Variants in ANLN observed in about 807,000 individuals in gnomAD.
ANLN encodes the protein anillin, actin binding protein.
Under a neutral mutation model 135.1 loss-of-function variants are expected in ANLN, and 59 were observed. That is an observed-to-expected ratio of 0.44 (90% confidence interval 0.35 to 0.54). The LOEUF (loss-of-function observed/expected upper bound fraction) is 0.54. Among genes scored for constraint, ANLN ranks in the 20% least tolerant of loss-of-function variants. The pLI is 0.00. For missense variants in ANLN, 1,182 were observed against 1,340.0 expected, an observed-to-expected ratio of 0.88 and a Z score of 1.84; for synonymous variants, 406 against 456.4, an observed-to-expected ratio of 0.89 and a Z score of 1.41.
At chr7:36,409,002 A>G (rs1451562363) in intron 5 of ANLN, among the ~76,000 whole-genome samples, 4 of 152,232 alleles carry the variant, frequency 2.6e-5, no homozygotes, top group Non-Finnish European at 5.9e-5. Context: ...ATAGTTCATC[A>G]TAAAGGGGCA....
At chr7:36,426,249 CCAGTCAT>C (rs1488979762) in intron 19 of ANLN, among the ~76,000 whole-genome samples, 2 of 152,106 alleles carry the variant, frequency 1.3e-5, no homozygotes, top group Non-Finnish European at 2.9e-5. Flanking sequence ...CATAGAGGCA[CCAGTCAT>C]CATGTTATTC....
chr7:36,391,945 CT>C (rs35991362), intron 1 of ANLN, among the ~76,000 whole-genome samples: 45 of 147,908 alleles, frequency 3.0e-4, no homozygotes, highest in Non-Finnish European at 3.3e-4. Context: ...TTCTGGCACT[CT>C]TTTTTTTTTT....
At chr7:36,403,589 T>C (rs945549773) in intron 3 of ANLN, 1 of 152,188 alleles carries the variant, frequency 6.6e-6, no homozygotes, top group Non-Finnish European at 1.5e-5. Flanking sequence ...AGTTAAGTGG[T>C]GCGTGAATAT....
intron 6 of ANLN, 82 bp from the exon 7 acceptor site, chr7:36,410,977 C>T: frequency 6.0e-6 from 8 of 1,336,836 alleles, no homozygotes; most frequent in Non-Finnish European, 8.2e-6. Flanking sequence ...TTTAAAACTG[C>T]AAACAAGGAA....
At chr7:36,393,989 ACT>A (rs1335140365) in intron 1 of ANLN, among the ~76,000 whole-genome samples, 1 of 152,030 alleles carries the variant, frequency 6.6e-6, no homozygotes, top group East Asian at 1.9e-4. Flanking sequence ...ACAGGGTCTC[ACT>A]CTGTTACCCA....
intron 4 of ANLN, 145 bp downstream of exon 4, chr7:36,406,711 T>C (rs1479751515): frequency 1.2e-5 from 10 of 846,974 alleles, no homozygotes; most frequent in South Asian, 4.4e-5. Context: ...TTGTAAGATA[T>C]CGGTTTCTTA....
At chr7:36,432,667 G>A (rs1014523399) in intron 20 of ANLN, among the ~76,000 whole-genome samples, 5 of 152,062 alleles carry the variant, frequency 3.3e-5, no homozygotes, top group East Asian at 1.9e-4. Flanking sequence ...TATTTGTTTC[G>A]TCTGTTCTTT....
At chr7:36,410,869 G>A (rs535901050) in intron 6 of ANLN, among the ~76,000 whole-genome samples, 165 bp downstream of exon 6, 5 of 152,254 alleles carry the variant, frequency 3.3e-5, no homozygotes, top group Non-Finnish European at 5.9e-5. Flanking sequence ...TGGTATGGCC[G>A]TAGACAGTAT....
chr7:36,399,036 A>C, intron 2 of ANLN, 43 bp from the exon 3 acceptor site: 1 of 1,523,140 alleles, frequency 6.6e-7, no homozygotes, highest in Non-Finnish European at 8.9e-7. Context: ...TTCATGTGAG[A>C]AATTACAAAT....
Position 36,399,175 on chromosome 7 carries a change from C to T in ANLN, c.269C>T (p.Ser90Leu), listed in dbSNP as rs757925988. 3.7e-6 allele frequency: 6 copies of T among 1,614,126 alleles called. No individual in the cohort carries two copies. Among genetic ancestry groups the T allele is most frequent in the South Asian group, 1.1e-5 (1 of 91,070 alleles). Residue 90 changes from serine to leucine, a missense_variant, in exon 3 of 24, where the codon TCG (serine) becomes TTG (leucine). Coordinates refer to ENST00000265748, the MANE Select transcript of ANLN (RefSeq NM_018685.5). ...TTGGAAAATAAACAACCAGTTGAGT[C>T]GACATCTGCAAAATCTTGTTCTCCA... Reference protein sequence around the residue: ...SNLENKQPVESTSAKSCSPSP... With the variant: ...SNLENKQPVELTSAKSCSPSP...
chr7:36,431,633 T>TATATATATATATATATA (rs1788334910), intron 20 of ANLN, among the ~76,000 whole-genome samples: 3 of 136,562 alleles, frequency 2.2e-5, no homozygotes, highest in Admixed American at 7.6e-5. Context: ...TATATATATA[T>TATATATATATATATATA]TACCATTTTA....
chr7:36,397,620 AAAG>A (rs1205027585), intron 2 of ANLN, among the ~76,000 whole-genome samples: 4 of 152,246 alleles, frequency 2.6e-5, no homozygotes, highest in African/African-American at 9.6e-5. Flanking sequence ...AAGGAAAAGA[AAAG>A]AAAAAAGAGC....
chr7:36,441,338 AC>A lies in ANLN; in HGVS notation c.2970+2049del, dbSNP rs3839741. On this transcript the variant is annotated intron_variant, in intron 21 of 23. Coordinates refer to ENST00000265748, the MANE Select transcript of ANLN (RefSeq NM_018685.5). ...GCCCATTCTTCTCACATTCACACTT[AC>A]AAAAATGTAGTAAGAAAGAGCTCTG... is the stretch of plus-strand genomic sequence containing the variant. Among the ~76,000 whole-genome samples, 536 of 152,308 alleles carry A rather than the reference AC, an allele frequency of 3.5e-3. 10 individuals are homozygous for A. The East Asian group carries it at 0.037, about 10-fold the overall frequency.
At chr7:36,396,240 T>C (rs1215770997) in intron 1 of ANLN, 26 bp from the exon 2 acceptor site, 1 of 1,540,212 alleles carries the variant, frequency 6.5e-7, no homozygotes, top group Admixed American at 2.0e-5. Flanking sequence ...ACTTGTGTTT[T>C]AACACTGATA....
At chr7:36,398,765 C>G (rs932262080) in intron 2 of ANLN, among the ~76,000 whole-genome samples, 14 of 150,832 alleles carry the variant, frequency 9.3e-5, no homozygotes, top group Non-Finnish European at 1.9e-4. Flanking sequence ...CCCTCGCCCC[C>G]CTTCCGCTCT....
chr7:36,420,182 C>T lies in ANLN; in HGVS notation c.1883C>T (p.Thr628Ile), dbSNP rs1327992882. The change falls in exon 11 of 24, where the codon ACA becomes ATA. Residue 628 changes from threonine to isoleucine, a missense_variant. Thr to Ile is a moderately conservative substitution (Grantham distance 89). Coordinates refer to ENST00000265748, the MANE Select transcript of ANLN (RefSeq NM_018685.5). ...GTTTTCCCACAGAGTTTAGTGTCCACACCTAGACTGGAATTGAAAGACACC... is the reference window on the plus strand; with the variant it reads ...GTTTTCCCACAGAGTTTAGTGTCCATACCTAGACTGGAATTGAAAGACACC... Reference protein sequence around the residue: ...GVVSPESLVSTPRLELKDTSR... With the variant: ...GVVSPESLVSIPRLELKDTSR... The T allele has an allele frequency of 6.2e-7, 1 of 1,613,770 alleles. No homozygotes were observed. The highest frequency in any genetic ancestry group is 8.5e-7 in the Non-Finnish European group (1 of 1,179,900).
chr7:36,414,162 G>A (rs546755004), intron 7 of ANLN, among the ~76,000 whole-genome samples: 3 of 152,166 alleles, frequency 2.0e-5, no homozygotes, highest in Non-Finnish European at 2.9e-5. Flanking sequence ...GGTGAGGGTG[G>A]CGTGCAGGTG....
chr7:36,442,939 G>GT (rs1394511999), intron 21 of ANLN, among the ~76,000 whole-genome samples: 1 of 124,272 alleles, frequency 8.0e-6, no homozygotes, highest in Non-Finnish European at 1.8e-5. Flanking sequence ...CTTTTTGTTT[G>GT]TTGTTTTTTT....
chr7:36,432,244 A>G (rs1562813256), intron 20 of ANLN, among the ~76,000 whole-genome samples: 1 of 152,182 alleles, frequency 6.6e-6, no homozygotes, highest in East Asian at 1.9e-4. Flanking sequence ...AACAATAACA[A>G]AAAACAAACT....
Sources: gnomAD v4.1 joint callset for allele counts (sites outside exome capture counted in the v4.1 genomes callset) on GRCh38, gnomAD v4.1.1 for gene constraint, MANE v1.5 for transcripts, NCBI Gene and HGNC (gene_info 2026-07-23, HGNC 2026-07-21) for gene names.